The following CHN1 variants were observed in gnomAD, a reference collection of about 807,000 sequenced individuals.
CHN1 encodes the protein chimerin 1.
In CHN1, 37 loss-of-function variants were observed where a neutral mutation model predicts 59.5. The observed-to-expected ratio is 0.62, with a 90% CI of 0.48 to 0.82. CHN1 has a LOEUF of 0.82. Among genes scored for constraint, CHN1 ranks in the 40% least tolerant of loss-of-function variants. The pLI is 0.00. For missense variants in CHN1, 469 were observed against 571.0 expected (o/e 0.82, Z 1.82); for synonymous variants, 206 against 200.4 (o/e 1.03, Z -0.24).
At chr2:174,933,049 T>C (rs1689397113) in intron 3 of CHN1, among the ~76,000 whole-genome samples, 1 of 152,196 alleles carries the variant, frequency 6.6e-6, no homozygotes, top group Non-Finnish European at 1.5e-5. Context: ...AATTGAGATC[T>C]GGAAGGCTGT....
At chr2:174,970,146 G>C (rs998563801) in intron 1 of CHN1, among the ~76,000 whole-genome samples, 1 of 152,118 alleles carries the variant, frequency 6.6e-6, no homozygotes, top group Non-Finnish European at 1.5e-5. Context: ...TTTGATCCTT[G>C]AGTACACTTC....
chr2:174,823,061 C>A lies in CHN1; in HGVS notation c.712+1373G>T, dbSNP rs537972632. Among the ~76,000 whole-genome samples the A allele has an allele frequency of 2.3e-4, 35 of 152,222 alleles. No individual in the cohort carries two copies. The South Asian group carries it at 7.1e-3, about 31-fold the overall frequency. ...GCAATACATACTATATCTTGCTATT[C>A]AAAGGAAATGCAATTTAGAAATAAG... is the stretch of plus-strand genomic sequence containing the variant. On this transcript the variant is annotated intron_variant, in intron 8 of 12. Transcript: ENST00000409900.
chr2:174,850,723 C>T (rs183286813), intron 6 of CHN1, among the ~76,000 whole-genome samples: 50 of 152,292 alleles, frequency 3.3e-4, no homozygotes, highest in African/African-American at 1.2e-3. Context: ...TTTGTCTCTA[C>T]CCAATTACCC....
intron 1 of CHN1, among the ~76,000 whole-genome samples, chr2:174,995,023 A>T (rs1437117497): frequency 6.6e-6 from 1 of 152,216 alleles, no homozygotes; most frequent in African/African-American, 2.4e-5. Flanking sequence ...AAGGAAGAAA[A>T]AACATAAAAG....
intron 2 of CHN1, 194 bp from the exon 3 acceptor site, chr2:174,945,137 GA>G: frequency 1.9e-6 from 1 of 528,668 alleles, no homozygotes. Context: ...AATTCAAACA[GA>G]AAAATCATAA....
chr2:174,873,774 T>C (rs1347489509), intron 6 of CHN1, among the ~76,000 whole-genome samples: 1 of 152,172 alleles, frequency 6.6e-6, no homozygotes, highest in Admixed American at 6.5e-5. Context: ...GGAACTTAAA[T>C]GTTAAAGAAA....
intron 3 of CHN1, among the ~76,000 whole-genome samples, chr2:174,941,504 C>T (rs895530194): frequency 6.6e-6 from 1 of 152,114 alleles, no homozygotes. Context: ...CCCTGGTTCC[C>T]CCTAATCCAG....
chr2:174,869,095 C>A (rs1288188723), intron 6 of CHN1, among the ~76,000 whole-genome samples: 1 of 152,198 alleles, frequency 6.6e-6, no homozygotes, highest in African/African-American at 2.4e-5. Flanking sequence ...CTGAGTGAAT[C>A]TGGCTCAGGT....
At chr2:174,956,497 G>A (rs187513393) in intron 1 of CHN1, among the ~76,000 whole-genome samples, 101 of 152,272 alleles carry the variant, frequency 6.6e-4, no homozygotes, top group African/African-American at 1.9e-3. Context: ...CAGGCCGGGC[G>A]TGGTGGCTCA....
chr2:174,811,521 A>T lies in CHN1; in HGVS notation c.954T>A (p.Ala318=). 1 of 1,610,250 alleles carries T rather than the reference A, an allele frequency of 6.2e-7. No individual in the cohort carries two copies. The highest frequency in any genetic ancestry group is 8.5e-7 in the Non-Finnish European group (1 of 1,177,282). Residue 318 remains alanine, a synonymous_variant, in exon 10 of 13, where the codon GCT becomes GCA. Coordinates refer to ENST00000409900, the MANE Select transcript of CHN1 (RefSeq NM_001822.7). ...FSDLIEDVKM[A]FDRDGEKADI... ...TTGTGAAAAACATACCTCTGTCGAA[A>T]GCCATCTTGACATCTTCAATTAGGT...
intron 3 of CHN1, among the ~76,000 whole-genome samples, chr2:174,941,677 T>C (rs1233798091): frequency 6.6e-6 from 1 of 152,194 alleles, no homozygotes; most frequent in Non-Finnish European, 1.5e-5. Flanking sequence ...CTTATGATAA[T>C]TGTTTTACTG....
At chr2:174,839,965 AT>A (rs1558946829) in intron 7 of CHN1, among the ~76,000 whole-genome samples, 1 of 151,890 alleles carries the variant, frequency 6.6e-6, no homozygotes, top group Non-Finnish European at 1.5e-5. Flanking sequence ...ACAAAAAAAA[AT>A]CTCTCTCCAA....
At chr2:174,889,268 G>A (rs1687978785) in intron 5 of CHN1, among the ~76,000 whole-genome samples, 1 of 149,992 alleles carries the variant, frequency 6.7e-6, no homozygotes. Flanking sequence ...GGCTGGAAAA[G>A]GTGGTTTTTT....
At chr2:174,831,985 T>C (rs1035595326) in intron 7 of CHN1, among the ~76,000 whole-genome samples, 1 of 152,156 alleles carries the variant, frequency 6.6e-6, no homozygotes, top group Non-Finnish European at 1.5e-5. Flanking sequence ...ACATTATAGA[T>C]AGGTAACTGA....
intron 3 of CHN1, among the ~76,000 whole-genome samples, chr2:174,937,594 GGTGTTT>G (rs990636930): frequency 6.6e-6 from 1 of 152,010 alleles, no homozygotes; most frequent in Admixed American, 6.6e-5. Context: ...ATGTGGTTTG[GGTGTTT>G]GTTCCCTCCA....
chr2:174,878,262 A>C (rs1687635619), intron 5 of CHN1, 134 bp from the exon 6 acceptor site: 1 of 743,892 alleles, frequency 1.3e-6, no homozygotes, highest in African/African-American at 1.8e-5. Context: ...AGCTGTGGCT[A>C]ATCTCTCTGA....
At chr2:174,987,784 C>A (rs1053622189) in intron 1 of CHN1, among the ~76,000 whole-genome samples, 4 of 152,024 alleles carry the variant, frequency 2.6e-5, no homozygotes, top group African/African-American at 9.7e-5. Context: ...GCTTTTATTT[C>A]ACTTTTTAGG....
intron 9 of CHN1, 89 bp downstream of exon 9, chr2:174,812,220 C>G (rs182143846): frequency 4.8e-6 from 5 of 1,048,956 alleles, no homozygotes; most frequent in South Asian, 5.4e-5. Context: ...AGAAGACAAC[C>G]GTATTGTGCA....
intron 1 of CHN1, among the ~76,000 whole-genome samples, chr2:174,955,195 T>TAG (rs1553486802): frequency 1.0e-5 from 1 of 99,418 alleles, no homozygotes; most frequent in African/African-American, 4.6e-5. Flanking sequence ...TATATATATA[T>TAG]ATATAATTGA....
Sources: gnomAD v4.1 joint callset for allele counts (sites outside exome capture counted in the v4.1 genomes callset) on GRCh38, gnomAD v4.1.1 for gene constraint, MANE v1.5 for transcripts, NCBI Gene and HGNC (gene_info 2026-07-23, HGNC 2026-07-21) for gene names.